The following MYO16 variants were observed in gnomAD, a reference collection of about 807,000 sequenced individuals.
The protein encoded by MYO16 is unconventional myosin-XVI.
A neutral mutation model predicts 205.3 loss-of-function variants in MYO16; 94 were observed. The observed-to-expected ratio is 0.46, with a 90% CI of 0.39 to 0.54. MYO16 has a LOEUF of 0.54. Ranked by LOEUF, MYO16 falls within the 20% of genes least tolerant of loss-of-function variation. The pLI is 0.00. For missense variants in MYO16, 2,315 were observed against 2,387.5 expected, an observed-to-expected ratio of 0.97 and a Z score of 0.63; for synonymous variants, 988 against 954.0, an observed-to-expected ratio of 1.04 and a Z score of -0.66.
chr13:108,916,666 G>A (rs1881507724), intron 16 of MYO16, among the ~76,000 whole-genome samples: 1 of 152,176 alleles, frequency 6.6e-6, no homozygotes, highest in African/African-American at 2.4e-5. Context: ...GGACAGTGTA[G>A]CCATTATATG....
In MYO16 at chr13:108,989,344, G is replaced by C. The variant is rs552013109; in HGVS notation, c.2370-3032G>C. ...ATACACATCAATGAAATATTTGCTGGTTATAAAAATATATGTTTCAATATA... is the reference window on the plus strand; with the variant it reads ...ATACACATCAATGAAATATTTGCTGCTTATAAAAATATATGTTTCAATATA... On this transcript the variant is annotated intron_variant, in intron 20 of 34. Coordinates refer to ENST00000457511, the MANE Select transcript of MYO16 (RefSeq NM_001198950.3). Among the ~76,000 whole-genome samples, 95 of 152,068 alleles carry C rather than the reference G, an allele frequency of 6.2e-4. 2 individuals carry two copies. In the Middle Eastern group the frequency reaches 0.017, roughly 27 times the overall value.
chr13:108,843,171 G>A (rs1165730586), intron 9 of MYO16, among the ~76,000 whole-genome samples: 1 of 151,956 alleles, frequency 6.6e-6, no homozygotes, highest in African/African-American at 2.4e-5. Context: ...TGGAGATCTA[G>A]TGTGACATGT....
At chr13:108,693,467 A>T (rs544298525) in intron 2 of MYO16, among the ~76,000 whole-genome samples, 9 of 152,260 alleles carry the variant, frequency 5.9e-5, no homozygotes, top group African/African-American at 2.2e-4. Flanking sequence ...TTGATATTTT[A>T]TGTAAGAGAA....
chr13:109,079,309 G>A lies in MYO16; in HGVS notation c.3336-21476G>A, dbSNP rs79465882. Among the ~76,000 whole-genome samples, 860 of 151,998 alleles carry A rather than the reference G, an allele frequency of 5.7e-3. 9 individuals carry two copies. The highest frequency in any genetic ancestry group is 0.019 in the African/African-American group (805 of 41,448). On this transcript the variant is annotated intron_variant, in intron 27 of 34. Transcript: ENST00000457511. ...GTTGTCTCAGGAGGGAGGGCAAATC[G>A]GAGACTATTGCTCCATCATGGCTGC...
In MYO16 at chr13:108,888,353, T is replaced by C; in HGVS notation, c.1554-19T>C. ...CAAAGTTCCTTCAAACTTATGTTTT[T>C]CCTCTCTGTTTTCCTTAGTGGAGAA... On this transcript the variant is annotated intron_variant, in intron 13 of 34. Transcript: ENST00000457511. 1 of 1,533,056 alleles carries C rather than the reference T, an allele frequency of 6.5e-7. No homozygotes were observed. Among genetic ancestry groups the C allele is most frequent in the Non-Finnish European group, 8.8e-7 (1 of 1,134,920 alleles). 95.0% of individuals were successfully genotyped at this position (1,533,056 alleles called of 1,614,324 possible). A position where few individuals can be genotyped will look rare whatever the true frequency, so the allele number is the denominator to read the frequency against.
chr13:109,176,683 G>A (rs1879207499), intron 33 of MYO16, among the ~76,000 whole-genome samples: 2 of 148,212 alleles, frequency 1.3e-5, no homozygotes, highest in African/African-American at 5.0e-5. Flanking sequence ...TGGCCGTGAT[G>A]AGGACCCTTG....
At chr13:108,804,332 A>T (rs1342757124) in intron 6 of MYO16, among the ~76,000 whole-genome samples, 2 of 152,228 alleles carry the variant, frequency 1.3e-5, no homozygotes, top group African/African-American at 4.8e-5. Flanking sequence ...GCTAGTTCAC[A>T]GCAGAAATGA....
At chr13:108,683,093 G>A (rs1458788364) in intron 2 of MYO16, among the ~76,000 whole-genome samples, 7 of 152,126 alleles carry the variant, frequency 4.6e-5, no homozygotes, top group Non-Finnish European at 1.0e-4. Context: ...GAATTAAATA[G>A]TATCTCCTTC....
At chr13:108,532,135 G>A in the MYO16 span, among the ~76,000 whole-genome samples, 1 of 152,042 alleles carries the variant, frequency 6.6e-6, no homozygotes, top group Non-Finnish European at 1.5e-5. Context: ...GAACCCAGGA[G>A]ACAGAGGTTG....
chr13:108,958,133 A>G (rs1883447985), intron 17 of MYO16, among the ~76,000 whole-genome samples: 1 of 146,088 alleles, frequency 6.8e-6, no homozygotes. Context: ...CATTATATAT[A>G]TTTTTAAATA....
At chr13:108,499,329 C>T in the MYO16 span, among the ~76,000 whole-genome samples, 2 of 152,186 alleles carry the variant, frequency 1.3e-5, no homozygotes, top group Non-Finnish European at 2.9e-5. Context: ...GAGGTGTGCT[C>T]CTTGGGATGC....
intron 4 of MYO16, among the ~76,000 whole-genome samples, chr13:108,736,279 T>C (rs1884694962): frequency 6.6e-6 from 1 of 152,222 alleles, no homozygotes; most frequent in Non-Finnish European, 1.5e-5. Context: ...TGGTTTTAGG[T>C]CTAACATTGA....
intron 3 of MYO16, among the ~76,000 whole-genome samples, chr13:108,721,741 C>T (rs1566571037): frequency 1.3e-5 from 2 of 152,144 alleles, no homozygotes; most frequent in Non-Finnish European, 2.9e-5. Flanking sequence ...TTTTTTAGTG[C>T]TCTGTGGAAG....
chr13:108,564,041 T>C, the MYO16 span, among the ~76,000 whole-genome samples: 1 of 152,208 alleles, frequency 6.6e-6, no homozygotes, highest in African/African-American at 2.4e-5. Context: ...CCATTTTAAC[T>C]GGGGTGAGAT....
At chr13:108,886,598 C>G (rs1566391356) in intron 13 of MYO16, 2 of 425,294 alleles carry the variant, frequency 4.7e-6, no homozygotes, top group South Asian at 1.7e-5. Flanking sequence ...CTCCACCCCC[C>G]GTCCTTCCAG....
chr13:108,622,414 C>T (rs1879577821), intron 1 of MYO16, among the ~76,000 whole-genome samples: 1 of 152,078 alleles, frequency 6.6e-6, no homozygotes, highest in African/African-American at 2.4e-5. Context: ...ATACAGGATT[C>T]ATATCCAAGG....
chr13:109,095,481 A>G (rs1022477681), intron 27 of MYO16, among the ~76,000 whole-genome samples: 4 of 152,224 alleles, frequency 2.6e-5, no homozygotes, highest in African/African-American at 7.2e-5. Flanking sequence ...ATTCCAAAAG[A>G]CAAGATGTTT....
intron 16 of MYO16, among the ~76,000 whole-genome samples, chr13:108,928,708 AGGG>A (rs1296761486): frequency 5.3e-5 from 8 of 152,358 alleles, no homozygotes; most frequent in Non-Finnish European, 7.4e-5. Flanking sequence ...ATTCATAGAA[AGGG>A]AATGGACCTA....
At position 108,814,600 on chromosome 13, in the gene MYO16, C is replaced by A. The variant is rs373910; in HGVS notation, c.868-5737C>A. Among the ~76,000 whole-genome samples, 5 of 152,224 alleles carry A rather than the reference C, an allele frequency of 3.3e-5. 1 individual carries two copies. Among genetic ancestry groups the A allele is most frequent in the South Asian group, 4.1e-4 (2 of 4,824 alleles). On this transcript the variant is annotated intron_variant, in intron 7 of 34. Coordinates refer to ENST00000457511, the MANE Select transcript of MYO16 (RefSeq NM_001198950.3). ...TTAAAGATAGCTTCTCTTTCTTTAGCAAATGATATATTTGGAAGTCAAAAT... is the reference window on the plus strand; with the variant it reads ...TTAAAGATAGCTTCTCTTTCTTTAGAAAATGATATATTTGGAAGTCAAAAT...
Sources: gnomAD v4.1 joint callset for allele counts (sites outside exome capture counted in the v4.1 genomes callset) on GRCh38, gnomAD v4.1.1 for gene constraint, MANE v1.5 for transcripts, NCBI Gene and HGNC (gene_info 2026-07-23, HGNC 2026-07-21) for gene names.